Variants in CREB5 observed in about 807,000 individuals in gnomAD.
CREB5 encodes the protein cAMP responsive element binding protein 5.
A neutral mutation model predicts 57.1 loss-of-function variants in CREB5; 19 were observed. That is an observed-to-expected ratio of 0.33 (90% CI 0.23 to 0.49). The LOEUF is 0.49. Among genes scored for constraint, CREB5 ranks in the 20% least tolerant of loss-of-function variants. The pLI is 0.99. For synonymous variants in CREB5, 238 were observed against 238.3 expected, an observed-to-expected ratio of 1.00 and a Z score of 0.01; for missense variants, 579 against 671.6, an observed-to-expected ratio of 0.86 and a Z score of 1.52.
At chr7:28,475,561 A>G (rs217505) in intron 1 of CREB5, among the ~76,000 whole-genome samples, 129,492 of 151,900 alleles carry the variant, frequency 0.85, 55,389 homozygotes, top group African/African-American at 0.93. Context: ...TAATAATGAA[A>G]AGAAGATTTG....
intron 7 of CREB5, among the ~76,000 whole-genome samples, chr7:28,730,354 A>ATTTTT (rs34752067): frequency 6.8e-6 from 1 of 147,128 alleles, no homozygotes; most frequent in African/African-American, 2.5e-5. Flanking sequence ...CACCCAGATA[A>ATTTTT]TTTTTTTTTT....
In CREB5 at chr7:28,506,658, T is replaced by A. The variant is rs114056108; in HGVS notation, c.170-958T>A. Among the ~76,000 whole-genome samples the A allele has an allele frequency of 9.9e-3, 1,513 of 152,350 alleles. 22 individuals are homozygous for A. Among genetic ancestry groups the A allele is most frequent in the African/African-American group, 0.034 (1,425 of 41,576 alleles). ...TCCGTGGTCCTTTCTGCTTCTAATATCTCCTGTTTCTGAGAAAAGACCATT... is the reference window on the plus strand; with the variant it reads ...TCCGTGGTCCTTTCTGCTTCTAATAACTCCTGTTTCTGAGAAAAGACCATT... On this transcript the variant is annotated intron_variant, in intron 3 of 10. Coordinates refer to ENST00000357727, the MANE Select transcript of CREB5 (RefSeq NM_182898.4).
intron 5 of CREB5, among the ~76,000 whole-genome samples, chr7:28,692,777 A>T (rs955097341): frequency 2.6e-5 from 4 of 152,166 alleles, no homozygotes; most frequent in Admixed American, 2.6e-4. Context: ...AAAAAAAACA[A>T]CAAAAAAGAC....
At chr7:28,301,623 T>C (rs1016097079) in intron 1 of CREB5, among the ~76,000 whole-genome samples, 3 of 152,214 alleles carry the variant, frequency 2.0e-5, no homozygotes, top group Admixed American at 2.0e-4. Context: ...GGACTCTATA[T>C]TCTAGAAAAA....
chr7:28,325,520 G>A (rs993618692), intron 1 of CREB5, among the ~76,000 whole-genome samples: 1 of 152,082 alleles, frequency 6.6e-6, no homozygotes, highest in African/African-American at 2.4e-5. Flanking sequence ...CTTGATGCTG[G>A]GAATAAAATC....
intron 5 of CREB5, among the ~76,000 whole-genome samples, chr7:28,612,544 GT>G (rs1412246736): frequency 0.035 from 132 of 3,788 alleles, no homozygotes; most frequent in African/African-American, 0.088. Flanking sequence ...TAGAGAAGGG[GT>G]GTGTGTGTGT....
At chr7:28,784,000 A>G (rs1251545071) in intron 7 of CREB5, among the ~76,000 whole-genome samples, 1 of 152,222 alleles carries the variant, frequency 6.6e-6, no homozygotes, top group African/African-American at 2.4e-5. Flanking sequence ...AGCAACCACC[A>G]AAATGTGCCC....
intron 1 of CREB5, among the ~76,000 whole-genome samples, chr7:28,451,469 TGTGTGTGTG>T (rs747066029): frequency 4.0e-5 from 6 of 151,522 alleles, no homozygotes; most frequent in Non-Finnish European, 7.4e-5. Context: ...TGTGTGTGTG[TGTGTGTGTG>T]TGTGTGTGTG....
intron 1 of CREB5, among the ~76,000 whole-genome samples, chr7:28,401,837 G>C (rs1787471087): frequency 6.6e-6 from 1 of 152,220 alleles, no homozygotes; most frequent in African/African-American, 2.4e-5. Flanking sequence ...TTGGTTCCAA[G>C]TCTTTGCTAT....
At chr7:28,708,214 C>G (rs1020557772) in intron 5 of CREB5, among the ~76,000 whole-genome samples, 1 of 152,252 alleles carries the variant, frequency 6.6e-6, no homozygotes, top group African/African-American at 2.4e-5. Flanking sequence ...GTGATCCTCT[C>G]AGCACGCTAT....
rs540411703 is a variant in CREB5 at position 28,552,040 on chromosome 7, C to G, written c.292-18325C>G. 9.5e-5 allele frequency among the ~76,000 whole-genome samples: 14 copies of G among 148,050 alleles called. 1 individual carries two copies. The South Asian group carries it at 3.0e-3, about 32-fold the overall frequency. On this transcript the variant is annotated intron_variant, in intron 4 of 10. Transcript: ENST00000357727. The stretch of plus-strand genomic sequence containing the variant: ...CTCTCTCTCTTTCTCTCTTTTCTCT[C>G]TCCTCTCTTCTCTCTTCTCTTTCTT...
chr7:28,655,187 G>A (rs1799288374), intron 5 of CREB5, among the ~76,000 whole-genome samples: 2 of 152,184 alleles, frequency 1.3e-5, no homozygotes, highest in Non-Finnish European at 2.9e-5. Flanking sequence ...ACAGGCATGA[G>A]CCACTGTGTG....
intron 1 of CREB5, among the ~76,000 whole-genome samples, chr7:28,398,798 G>C (rs1294292571): frequency 2.0e-5 from 3 of 151,964 alleles, no homozygotes; most frequent in Non-Finnish European, 4.4e-5. Flanking sequence ...TACAGCCTTG[G>C]CCTCTGAGGC....
intron 6 of CREB5, 36 bp from the exon 7 acceptor site, chr7:28,724,186 T>C: frequency 6.3e-7 from 1 of 1,582,748 alleles, no homozygotes. Context: ...AGACTGCCTT[T>C]GCAGACTTCT....
At chr7:28,789,276 A>C (rs1307130644) in intron 7 of CREB5, among the ~76,000 whole-genome samples, 2 of 152,216 alleles carry the variant, frequency 1.3e-5, no homozygotes, top group African/African-American at 4.8e-5. Flanking sequence ...CGTGGATTTC[A>C]TCTGATATTA....
At chr7:28,410,164 C>A, upstream of CREB5, 1 of 414,416 alleles carries the variant, frequency 2.4e-6, no homozygotes, top group Non-Finnish European at 4.8e-6. Context: ...GGCGCGCGCC[C>A]GGGGAGGGGA....
intron 1 of CREB5, among the ~76,000 whole-genome samples, chr7:28,480,120 G>C (rs145611689): frequency 7.0e-4 from 106 of 151,766 alleles, no homozygotes; most frequent in Middle Eastern, 3.5e-3. Flanking sequence ...AATATTTAAA[G>C]ATATTTATTT....
rs1368633347 is a variant in CREB5, at chr7:28,824,642, T to A, written c.*5363T>A. ...AACCTAGCTCATCATGTTGTGAAAA[T>A]GAAAAAGTGAATGTCCATTCAAAAT... On this transcript the variant is annotated 3_prime_UTR_variant, in exon 11 of 11. Transcript: ENST00000357727. The A allele has an allele frequency of 6.6e-6, 1 of 152,600 alleles. No individual in the cohort carries two copies. Among genetic ancestry groups the A allele is most frequent in the Admixed American group, 6.6e-5 (1 of 15,266 alleles). The allele number at this position is 152,600 out of a possible 1,614,324, so 9.5% of individuals were successfully genotyped here. A position where few individuals can be genotyped will look rare whatever the true frequency, so the allele number is the denominator to read the frequency against.
At chr7:28,537,996 G>C (rs569410224) in intron 4 of CREB5, among the ~76,000 whole-genome samples, 1 of 152,144 alleles carries the variant, frequency 6.6e-6, no homozygotes, top group Admixed American at 6.6e-5. Flanking sequence ...AAATCTGTAT[G>C]TTGCCTCCAT....
Sources: gnomAD v4.1 joint callset for allele counts (sites outside exome capture counted in the v4.1 genomes callset) on GRCh38, gnomAD v4.1.1 for gene constraint, MANE v1.5 for transcripts, NCBI Gene and HGNC (gene_info 2026-07-23, HGNC 2026-07-21) for gene names.